The following TRPM4 variants were observed in gnomAD, a reference collection of about 807,000 sequenced individuals.
TRPM4 encodes transient receptor potential cation channel subfamily M member 4.
In TRPM4, 124 loss-of-function variants were observed where a neutral mutation model predicts 135.6. The observed-to-expected ratio is 0.91, with a 90% CI of 0.79 to 1.06. TRPM4 has a LOEUF of 1.06. TRPM4 is among the 50% of genes least tolerant of loss of function. The pLI is 0.00. For missense variants in TRPM4, 1,658 were observed against 1,671.4 expected (o/e 0.99, Z 0.14); for synonymous variants, 745 against 705.6 (o/e 1.06, Z -0.88).
rs562760057 is a variant in TRPM4 at position 49,163,440 on chromosome 19, C to T, written c.93-2601C>T. ...CGAACTCCTGACCTCATGATCCGCC[C>T]GCCTTGGCCTCCCAAAGTGCTGGGA... On this transcript the variant is annotated intron_variant, in intron 2 of 24. Coordinates refer to ENST00000252826, the MANE Select transcript of TRPM4 (RefSeq NM_017636.4). Among the ~76,000 whole-genome samples, 7 of 151,932 alleles carry T rather than the reference C, an allele frequency of 4.6e-5. No individual in the cohort carries two copies. In the East Asian group the frequency reaches 7.8e-4, roughly 17 times the overall value.
At chr19:49,187,529 T>C (rs956173702) in intron 12 of TRPM4, among the ~76,000 whole-genome samples, 2 of 152,122 alleles carry the variant, frequency 1.3e-5, no homozygotes, top group Middle Eastern at 3.4e-3. Flanking sequence ...AAAAAAAATT[T>C]TGTAGAGATG....
chr19:49,168,557 C>G lies in TRPM4; in HGVS notation c.617C>G (p.Ser206Trp). 6.2e-7 allele frequency: 1 copy of G among 1,613,868 alleles called. No individual in the cohort carries two copies. The highest frequency in any genetic ancestry group is 8.5e-7 in the Non-Finnish European group (1 of 1,180,010). ...GTCTGGCCATTTTTCCCCTAGGGCTCGTTCCCTGCGAGGTACCGGTGGCGC... is the reference window on the plus strand; with the variant it reads ...GTCTGGCCATTTTTCCCCTAGGGCTGGTTCCCTGCGAGGTACCGGTGGCGC... ...NRDTLINPKG[S>W]FPARYRWRGD... The change falls in exon 6 of 25, where the codon TCG becomes TGG. Residue 206 changes from serine to tryptophan, a missense_variant. Coordinates refer to ENST00000252826, the MANE Select transcript of TRPM4 (RefSeq NM_017636.4).
Position 49,210,131 on chromosome 19 carries a change from T to C in TRPM4, c.3132-78T>C. The C allele has an allele frequency of 1.4e-6, 2 of 1,389,784 alleles. No individual in the cohort carries two copies. Among genetic ancestry groups the C allele is most frequent in the Non-Finnish European group, 2.1e-6 (2 of 975,338 alleles). 86.1% of individuals were successfully genotyped at this position (1,389,784 alleles called of 1,614,324 possible). Reference sequence around the variant, plus strand: ...TCTGCTGCTATAGACTGAACAATTATTGCCTGGCATCTAACCTTCGTCCTT... The same window carrying C: ...TCTGCTGCTATAGACTGAACAATTACTGCCTGGCATCTAACCTTCGTCCTT... On this transcript the variant is annotated intron_variant, in intron 20 of 24. Coordinates refer to ENST00000252826, the MANE Select transcript of TRPM4 (RefSeq NM_017636.4). The surrounding 1 kb of genome is among the most constrained non-coding windows in gnomAD (Gnocchi z 4.1).
At chr19:49,165,333 C>G (rs2122775069) in intron 2 of TRPM4, among the ~76,000 whole-genome samples, 1 of 152,264 alleles carries the variant, frequency 6.6e-6, no homozygotes, top group Middle Eastern at 3.4e-3. Context: ...AAAAGAGTAG[C>G]AAAGGGTTAG....
At chr19:49,170,441 G>A (rs941059552) in intron 6 of TRPM4, among the ~76,000 whole-genome samples, 6 of 151,636 alleles carry the variant, frequency 4.0e-5, no homozygotes, top group Admixed American at 1.3e-4. Context: ...CACCCGCCTC[G>A]GCCTCCCAAA....
chr19:49,178,778 A>G (rs1308522867), intron 9 of TRPM4, among the ~76,000 whole-genome samples: 1 of 132,220 alleles, frequency 7.6e-6, no homozygotes, highest in Non-Finnish European at 1.7e-5. Context: ...ATTTTTTTTG[A>G]GATGGAGTCT....
chr19:49,211,338 C>T lies in TRPM4; in HGVS notation c.3640+69C>T, dbSNP rs531062308. 7 of 1,574,230 alleles carry T rather than the reference C, an allele frequency of 4.4e-6. No homozygotes were observed. The highest frequency in any genetic ancestry group is 1.3e-5 in the African/African-American group (1 of 74,352). On this transcript the variant is annotated intron_variant, in intron 24 of 24. Transcript: ENST00000252826. This position sits in a 1 kb window ranked among gnomAD's most constrained non-coding sequence, Gnocchi z 4.8. The stretch of plus-strand genomic sequence containing the variant: ...TGTATTTTTGCGTGTTTTTCTCTCT[C>T]GGCACCTTTCCAGTGTCCCTGGGTC...
Position 49,171,578 on chromosome 19 carries a change from C to T in TRPM4, c.859C>T (p.Arg287Ter), listed in dbSNP as rs776917960. 34 of 1,613,870 alleles carry T rather than the reference C, an allele frequency of 2.1e-5. No homozygotes were observed. The highest frequency in any genetic ancestry group is 4.5e-5 in the East Asian group (2 of 44,874). Residue 287 changes from arginine (R) to a stop codon, truncating the protein, a stop_gained and splice_region_variant, in exon 8 of 25, where the codon CGA becomes TGA. Coordinates refer to ENST00000252826, the MANE Select transcript of TRPM4 (RefSeq NM_017636.4). LOFTEE classifies it high-confidence loss of function. The surrounding 1 kb of genome is among the most constrained non-coding windows in gnomAD (Gnocchi z 4.7). ...AATAAAGAATGCCTTTATCCTGTAG[C>T]GAATAGAGAACGCCACCCAGGCTCA... ...LIDGDEKMLT[R>*]IENATQAQLP...
At chr19:49,189,678 T>A (rs184864532) in intron 14 of TRPM4, among the ~76,000 whole-genome samples, 15 of 152,176 alleles carry the variant, frequency 9.9e-5, no homozygotes, top group Admixed American at 7.2e-4. Context: ...GGAAACATTA[T>A]CAATATTTTT....
In TRPM4 at chr19:49,188,800, G is replaced by A. The variant is rs569017941; in HGVS notation, c.1873+30G>A. 7 of 1,613,412 alleles carry A rather than the reference G, an allele frequency of 4.3e-6. No individual in the cohort carries two copies. The African/African-American group carries it at 8.0e-5, about 18-fold the overall frequency. Reference sequence around the variant, plus strand: ...GTGGGGCACGGTGCCTGGGAGCAGGGACGGGGGCTGCCGCCAGAGGGGGAT... The same window carrying A: ...GTGGGGCACGGTGCCTGGGAGCAGGAACGGGGGCTGCCGCCAGAGGGGGAT... On this transcript the variant is annotated intron_variant, in intron 13 of 24. Transcript: ENST00000252826.
chr19:49,164,749 T>G (rs1967110465), intron 2 of TRPM4, among the ~76,000 whole-genome samples: 1 of 151,564 alleles, frequency 6.6e-6, no homozygotes, highest in African/African-American at 2.4e-5. Flanking sequence ...TTCTTTTTTT[T>G]GAACAGGGTC....
intron 17 of TRPM4, among the ~76,000 whole-genome samples, chr19:49,198,859 A>G (rs900257087): frequency 5.3e-5 from 8 of 151,994 alleles, no homozygotes; most frequent in African/African-American, 1.9e-4. Flanking sequence ...TTGGCCTCTC[A>G]AAGTGCTGGG....
chr19:49,183,110 G>A lies in TRPM4; in HGVS notation c.1641G>A (p.Pro547=), dbSNP rs1361361592. 6.2e-7 allele frequency: 1 copy of A among 1,613,410 alleles called. No individual in the cohort carries two copies. Among genetic ancestry groups the A allele is most frequent in the Admixed American group, 1.7e-5 (1 of 60,028 alleles). ...TGCTCTCGGACAAGGCCACCTCGCC[G>A]CTCTCGCTGGATGCTGGCCTCGGGC... ...MYLLSDKATS[P]LSLDAGLGQA... Residue 547 remains proline, a synonymous_variant, in exon 12 of 25, where the codon CCG becomes CCA. Transcript: ENST00000252826.
chr19:49,175,067 C>CTTTTTTTTTTTTTTTTTTTTT (rs772062913), intron 9 of TRPM4, among the ~76,000 whole-genome samples: 8 of 77,584 alleles, frequency 1.0e-4, no homozygotes, highest in African/African-American at 4.4e-4. Context: ...TCATGCCTGG[C>CTTTTTTTTTTTTTTTTTTTTT]TTTTTTTTTT....
chr19:49,198,410 G>T (rs1968779263), intron 17 of TRPM4, among the ~76,000 whole-genome samples: 1 of 152,210 alleles, frequency 6.6e-6, no homozygotes, highest in South Asian at 2.1e-4. Flanking sequence ...ACTTTGGGAG[G>T]CCGAGGCGGG....
At position 49,182,688 on chromosome 19, in the gene TRPM4, G is replaced by A; in HGVS notation, c.1374G>A (p.Met458Ile). ...GLSLGHFLTP[M>I]RLAQLYSAAP... is the part of the protein sequence containing the mutation. ...GCCTGGGCCACTTCCTGACCCCGAT[G>A]CGCCTGGCCCAACTCTACAGCGCGG... is the stretch of plus-strand genomic sequence containing the variant. Residue 458 changes from methionine (M) to isoleucine (I), a missense_variant, in exon 11 of 25, where the codon ATG (methionine) becomes ATA (isoleucine). By Grantham distance (10) the Met-to-Ile change is conservative (BLOSUM62 1). This residue lies in a region of TRPM4 where 1,412 missense variants were observed against 1,408.7 expected (regional missense o/e 1.00). Coordinates refer to ENST00000252826, the MANE Select transcript of TRPM4 (RefSeq NM_017636.4). 6.2e-7 allele frequency: 1 copy of A among 1,614,204 alleles called. No homozygotes were observed. The highest frequency in any genetic ancestry group is 8.5e-7 in the Non-Finnish European group (1 of 1,180,034).
rs1022564696 is a variant in TRPM4 at position 49,164,373 on chromosome 19, T to TTG, written c.93-1667_93-1666insGT. ...TTCCTTTCTTTCCTTAGTTTTTTTTTTTTTTTTTTTTTTTTTTTTTTTTTT... is the reference window on the plus strand; with the variant it reads ...TTCCTTTCTTTCCTTAGTTTTTTTTTTGTTTTTTTTTTTTTTTTTTTTTTTTT... On this transcript the variant is annotated intron_variant, in intron 2 of 24. Coordinates refer to ENST00000252826, the MANE Select transcript of TRPM4 (RefSeq NM_017636.4). Among the ~76,000 whole-genome samples the TTG allele has an allele frequency of 1.2e-3, 101 of 84,954 alleles. 1 individual carries two copies. Among genetic ancestry groups the TTG allele is most frequent in the Non-Finnish European group, 2.1e-3 (90 of 42,720 alleles). The allele number at this position is 84,954 out of a possible 152,430, so 55.7% of individuals were successfully genotyped here.
Position 49,172,003 on chromosome 19 carries a change from C to A in TRPM4, c.1051-6C>A. The A allele has an allele frequency of 6.2e-7, 1 of 1,612,358 alleles. No individual in the cohort carries two copies. The highest frequency in any genetic ancestry group is 1.1e-5 in the South Asian group (1 of 91,018). Reference sequence around the variant, plus strand: ...GGCTAGGGATGCAGAACTGGCTATTCCACAGGTGGAGAGGATTATGACCCG... The same window carrying A: ...GGCTAGGGATGCAGAACTGGCTATTACACAGGTGGAGAGGATTATGACCCG... On this transcript the variant is annotated splice_polypyrimidine_tract_variant and splice_region_variant and intron_variant, in intron 8 of 24. Coordinates refer to ENST00000252826, the MANE Select transcript of TRPM4 (RefSeq NM_017636.4).
At chr19:49,164,688 T>A (rs2122771782) in intron 2 of TRPM4, among the ~76,000 whole-genome samples, 2 of 95,750 alleles carry the variant, frequency 2.1e-5, no homozygotes, top group Middle Eastern at 0.012. Flanking sequence ...GGCCTCTTGC[T>A]TGCTTGCTTG....
Sources: allele counts gnomAD v4.1 joint callset (sites outside exome capture counted in the v4.1 genomes callset), GRCh38; gene constraint gnomAD v4.1.1; regional missense constraint gnomAD v4.1.1; non-coding constraint Gnocchi (gnomAD v3.1); transcripts MANE v1.5; gene names NCBI Gene and HGNC (gene_info 2026-07-23, HGNC 2026-07-21).